RYR3: variants seen among roughly 807,000 people sequenced by gnomAD.
The protein encoded by RYR3 is ryanodine receptor 3.
In RYR3, 207 loss-of-function variants were observed where a neutral mutation model predicts 584.3. The ratio of observed to expected loss-of-function variants is 0.35; its 90% CI spans 0.32 to 0.40. The LOEUF (loss-of-function observed/expected upper bound fraction) is 0.40. Ranked by LOEUF, RYR3 falls within the 10% of genes least tolerant of loss-of-function variation. RYR3 has a pLI of 1.00. For missense variants in RYR3, 5,616 were observed against 6,089.2 expected, an observed-to-expected ratio of 0.92 and a Z score of 2.59; for synonymous variants, 2,416 against 2,248.5, an observed-to-expected ratio of 1.07 and a Z score of -2.11.
At chr15:33,760,371 A>G (rs991283353) in intron 60 of RYR3, among the ~76,000 whole-genome samples, 2 of 151,600 alleles carry the variant, frequency 1.3e-5, no homozygotes, top group Admixed American at 6.6e-5. Context: ...CTCAAGTGCA[A>G]AGACACACAT....
chr15:33,532,445 T>G (rs1307195767), intron 4 of RYR3, among the ~76,000 whole-genome samples: 1 of 152,162 alleles, frequency 6.6e-6, no homozygotes, highest in Non-Finnish European at 1.5e-5. Context: ...AATCAACTTC[T>G]GTTTCATTTT....
At chr15:33,594,004 C>A (rs2059257784) in intron 16 of RYR3, among the ~76,000 whole-genome samples, 1 of 152,124 alleles carries the variant, frequency 6.6e-6, no homozygotes, top group Non-Finnish European at 1.5e-5. Flanking sequence ...AAAGCTGAGC[C>A]CAGCCATGAA....
At chr15:33,751,670 T>TA (rs961089582) in intron 57 of RYR3, among the ~76,000 whole-genome samples, 1 of 152,092 alleles carries the variant, frequency 6.6e-6, no homozygotes, top group African/African-American at 2.4e-5. Flanking sequence ...TTTTCTCCAA[T>TA]TCTGTAGGTT....
rs371299078 is a variant in RYR3, at chr15:33,488,617, A to C, written c.172-15014A>C. ...GCCTGTAATCCCAGCACTTGGGAGG[A>C]CAAGGCGGGCAGATCACAAGGTCAG... On this transcript the variant is annotated intron_variant, in intron 2 of 103. Transcript: ENST00000634891. Among the ~76,000 whole-genome samples the C allele has an allele frequency of 1.1e-3, 165 of 152,198 alleles. No homozygotes were observed. The South Asian group carries it at 0.022, about 20-fold the overall frequency.
At chr15:33,566,146 A>T (rs937099487) in intron 11 of RYR3, among the ~76,000 whole-genome samples, 1 of 152,210 alleles carries the variant, frequency 6.6e-6, no homozygotes, top group Non-Finnish European at 1.5e-5. Flanking sequence ...TTTACTCTCT[A>T]GCCTCCAAGA....
At position 33,699,271 on chromosome 15, in the gene RYR3, T is replaced by C. The variant is rs28428474; in HGVS notation, c.6250-433T>C. Among the ~76,000 whole-genome samples, 583 of 102,778 alleles carry C rather than the reference T, an allele frequency of 5.7e-3. 8 individuals are homozygous for C. The highest frequency in any genetic ancestry group is 0.022 in the African/African-American group (559 of 25,082). The allele number at this position is 102,778 out of a possible 152,430, so 67.4% of individuals were successfully genotyped here. ...CTCTCTCTCCCCCCCTTTCTCTCTCTCCCCCCTCCTCACTCTCTCCTCTTT... is the reference window on the plus strand; with the variant it reads ...CTCTCTCTCCCCCCCTTTCTCTCTCCCCCCCCTCCTCACTCTCTCCTCTTT... On this transcript the variant is annotated intron_variant, in intron 40 of 103. Coordinates refer to ENST00000634891, the MANE Select transcript of RYR3 (RefSeq NM_001036.6).
intron 1 of RYR3, among the ~76,000 whole-genome samples, chr15:33,424,835 G>A (rs549018969): frequency 7.2e-5 from 11 of 152,210 alleles, no homozygotes; most frequent in South Asian, 2.1e-4. Context: ...ATGAGAAGCC[G>A]GGCATGGTGG....
chr15:33,663,420 G>A, intron 35 of RYR3, 117 bp from the exon 36 acceptor site: 1 of 812,282 alleles, frequency 1.2e-6, no homozygotes, highest in Non-Finnish European at 2.0e-6. Context: ...ACAGCTTTAT[G>A]GCTACTGTGT....
At chr15:33,545,308 C>G (rs2056155151) in intron 8 of RYR3, among the ~76,000 whole-genome samples, 1 of 152,084 alleles carries the variant, frequency 6.6e-6, no homozygotes, top group African/African-American at 2.4e-5. Context: ...TCAAGTGATT[C>G]AGCAAAATTC....
chr15:33,360,360 A>G (rs567291421), intron 1 of RYR3, among the ~76,000 whole-genome samples: 133 of 152,194 alleles, frequency 8.7e-4, no homozygotes, highest in African/African-American at 3.1e-3. Context: ...TTTTGTGTAC[A>G]TGGAATCCTA....
At chr15:33,843,278 C>T (rs1236293504) in intron 91 of RYR3, among the ~76,000 whole-genome samples, 2 of 151,896 alleles carry the variant, frequency 1.3e-5, no homozygotes, top group Non-Finnish European at 2.9e-5. Context: ...CGAGATTGCA[C>T]CACTGCACTC....
intron 6 of RYR3, among the ~76,000 whole-genome samples, chr15:33,540,138 C>T (rs2055693840): frequency 6.6e-6 from 1 of 152,064 alleles, no homozygotes; most frequent in Non-Finnish European, 1.5e-5. Flanking sequence ...GCCCCAAGCG[C>T]TATATGCACA....
intron 62 of RYR3, among the ~76,000 whole-genome samples, chr15:33,769,794 CA>C (rs1234325926): frequency 1.3e-5 from 2 of 151,742 alleles, no homozygotes; most frequent in East Asian, 3.9e-4. Context: ...ACAGAAAATA[CA>C]AAAACTAGCC....
intron 1 of RYR3, among the ~76,000 whole-genome samples, chr15:33,441,665 G>A (rs1446707160): frequency 6.6e-6 from 1 of 152,080 alleles, no homozygotes; most frequent in African/African-American, 2.4e-5. Context: ...CTTACAAAAT[G>A]TTCATTCCCT....
rs1297363123 is a variant in RYR3 at position 33,345,097 on chromosome 15, C to A, written c.51+34001C>A. On this transcript the variant is annotated intron_variant, in intron 1 of 103. Transcript: ENST00000634891. ...TCCACTGCTTTTTTTCTTTTCTTTT[C>A]TTTTTCTTTTTTTTGCAAGTTCAGT... is the stretch of plus-strand genomic sequence containing the variant. Among the ~76,000 whole-genome samples, 12 of 152,034 alleles carry A rather than the reference C, an allele frequency of 7.9e-5. No homozygotes were observed. In the East Asian group the frequency reaches 2.1e-3, roughly 27 times the overall value.
chr15:33,800,952 G>A (rs1303469511), intron 68 of RYR3, 95 bp downstream of exon 68: 4 of 915,856 alleles, frequency 4.4e-6, no homozygotes, highest in East Asian at 2.5e-5. Flanking sequence ...TAAAATATTC[G>A]AAGAAATGTA....
At chr15:33,827,028 T>TG (rs990783897) in intron 84 of RYR3, among the ~76,000 whole-genome samples, 171 bp from the exon 85 acceptor site, 2 of 152,008 alleles carry the variant, frequency 1.3e-5, no homozygotes, top group Non-Finnish European at 2.9e-5. Flanking sequence ...GTCCGCAGGT[T>TG]GGGGGGGTGC....
intron 96 of RYR3, 99 bp downstream of exon 96, chr15:33,853,781 G>T: frequency 6.8e-7 from 1 of 1,474,684 alleles, no homozygotes. Flanking sequence ...GTTCTCTCAG[G>T]CTGTGGTCTG....
Position 33,844,949 on chromosome 15 carries a change from G to A in RYR3, c.13384G>A (p.Val4462Ile), listed in dbSNP as rs764109226. ...FNDEEEEEAM[V>I]FFVLQESTGY... ...TGACGAGGAAGAGGAAGAAGCGATG[G>A]TATTCTTTGTCCTTCAGGAGAGCAC... The change falls in exon 93 of 104, where the codon GTA becomes ATA. Residue 4462 changes from valine (V) to isoleucine (I), a missense_variant. Coordinates refer to ENST00000634891, the MANE Select transcript of RYR3 (RefSeq NM_001036.6). 1.2e-6 allele frequency: 2 copies of A among 1,613,850 alleles called. No individual in the cohort carries two copies. The highest frequency in any genetic ancestry group is 1.7e-6 in the Non-Finnish European group (2 of 1,179,888).
Sources: gnomAD v4.1 joint callset for allele counts (sites outside exome capture counted in the v4.1 genomes callset) on GRCh38, gnomAD v4.1.1 for gene constraint, MANE v1.5 for transcripts, NCBI Gene and HGNC (gene_info 2026-07-23, HGNC 2026-07-21) for gene names.